The following MED13L variants were observed in gnomAD, a reference collection of about 807,000 sequenced individuals.
MED13L encodes mediator of RNA polymerase II transcription subunit 13-like.
MED13L carries 7 observed loss-of-function variants against 220.9 expected under a neutral mutation model. That is an observed-to-expected ratio of 0.03 (90% CI 0.02 to 0.06). The LOEUF (loss-of-function observed/expected upper bound fraction) is 0.06. Ranked by LOEUF, MED13L falls within the 10% of genes least tolerant of loss-of-function variation. The pLI is 1.00. For missense variants in MED13L, 1,965 were observed against 2,760.5 expected, an observed-to-expected ratio of 0.71 and a Z score of 6.46; for synonymous variants, 1,011 against 1,015.2, an observed-to-expected ratio of 1.00 and a Z score of 0.08.
chr12:116,170,699 C>G (rs1156817390), intron 2 of MED13L, among the ~76,000 whole-genome samples: 1 of 150,026 alleles, frequency 6.7e-6, no homozygotes, highest in East Asian at 2.0e-4. Context: ...GTCCCAGGTT[C>G]AGGTAATTCT....
intron 2 of MED13L, among the ~76,000 whole-genome samples, chr12:116,217,165 G>C (rs2138375874): frequency 1.3e-5 from 2 of 152,276 alleles, no homozygotes; most frequent in Middle Eastern, 6.8e-3. Flanking sequence ...AGGAAAGACA[G>C]GCAGCATGAC....
At chr12:115,970,390 A>AGGAAAAT (rs1876497732) in intron 27 of MED13L, among the ~76,000 whole-genome samples, 1 of 152,270 alleles carries the variant, frequency 6.6e-6, no homozygotes. Flanking sequence ...TGCCCAAACA[A>AGGAAAAT]GGAAAATATT....
At chr12:116,020,373 T>C (rs911569239) in intron 5 of MED13L, among the ~76,000 whole-genome samples, 3 of 152,206 alleles carry the variant, frequency 2.0e-5, no homozygotes, top group African/African-American at 4.8e-5. Flanking sequence ...TGTTTAATAA[T>C]AGCCTGTACA....
At chr12:116,082,270 G>A (rs1055581171) in intron 4 of MED13L, among the ~76,000 whole-genome samples, 15 of 152,126 alleles carry the variant, frequency 9.9e-5, no homozygotes, top group African/African-American at 3.6e-4. Context: ...GCCTAAGAAG[G>A]GGAAAAACTT....
chr12:116,164,919 C>T (rs567871300), intron 2 of MED13L, among the ~76,000 whole-genome samples: 1 of 152,314 alleles, frequency 6.6e-6, no homozygotes, highest in Admixed American at 6.5e-5. Context: ...TTCACTGCCA[C>T]AGCAATAACA....
chr12:116,160,175 AT>A (rs1878750917), intron 2 of MED13L, among the ~76,000 whole-genome samples: 1 of 152,366 alleles, frequency 6.6e-6, no homozygotes, highest in South Asian at 2.1e-4. Context: ...AAATTCCATT[AT>A]AATAAAACAG....
chr12:116,276,730 A>G (rs1164993690), intron 1 of MED13L: 1 of 1,105,648 alleles, frequency 9.0e-7, no homozygotes, highest in African/African-American at 1.7e-5. Flanking sequence ...AAAAGGGGGG[A>G]AAGGGGAGGA....
chr12:116,264,152 G>C (rs1593224803), intron 1 of MED13L, among the ~76,000 whole-genome samples: 1 of 152,184 alleles, frequency 6.6e-6, no homozygotes, highest in East Asian at 1.9e-4. Flanking sequence ...TGCAAAGAGA[G>C]AAGACACTGA....
At chr12:116,032,882 A>G (rs1880939001) in intron 4 of MED13L, among the ~76,000 whole-genome samples, 1 of 152,112 alleles carries the variant, frequency 6.6e-6, no homozygotes, top group African/African-American at 2.4e-5. Context: ...GAGTGACAGG[A>G]AGGAGGAGAG....
intron 4 of MED13L, among the ~76,000 whole-genome samples, chr12:116,070,337 T>A (rs1027355337): frequency 9.9e-5 from 15 of 152,204 alleles, no homozygotes; most frequent in African/African-American, 3.6e-4. Flanking sequence ...CATTTATCTC[T>A]CAAGGTTGTT....
chr12:116,072,368 T>C (rs574488091), intron 4 of MED13L, among the ~76,000 whole-genome samples: 1 of 152,362 alleles, frequency 6.6e-6, no homozygotes, highest in African/African-American at 2.4e-5. Context: ...GTGCCTGCTA[T>C]GTGCTGTGTA....
rs1157091674 is a variant in MED13L, at chr12:116,205,947, T to TG, written c.310+31520_310+31521insC. Among the ~76,000 whole-genome samples, 873 of 151,640 alleles carry TG rather than the reference T, an allele frequency of 5.8e-3. 10 individuals are homozygous for TG. The highest frequency in any genetic ancestry group is 6.9e-3 in the Non-Finnish European group (469 of 67,854). Reference sequence around the variant, plus strand: ...CACTGCATAACTAAAAACTTGTTTTTTTTTTTTTTTTGCTTCCTTTGTATA... The same window carrying TG: ...CACTGCATAACTAAAAACTTGTTTTTGTTTTTTTTTTTGCTTCCTTTGTATA... On this transcript the variant is annotated intron_variant, in intron 2 of 30. Transcript: ENST00000281928.
intron 2 of MED13L, among the ~76,000 whole-genome samples, chr12:116,164,900 G>A (rs1879136095): frequency 6.6e-6 from 1 of 152,198 alleles, no homozygotes; most frequent in Admixed American, 6.5e-5. Context: ...TTTTGTTCAT[G>A]TCAGAATTTT....
At chr12:116,080,356 ATACT>A (rs563963466) in intron 4 of MED13L, among the ~76,000 whole-genome samples, 103 of 152,316 alleles carry the variant, frequency 6.8e-4, no homozygotes, top group African/African-American at 2.4e-3. Flanking sequence ...GTTCCCCAAG[ATACT>A]TAAGAAATTT....
At chr12:116,247,106 TCAA>T (rs1254320102) in intron 1 of MED13L, among the ~76,000 whole-genome samples, 1 of 151,892 alleles carries the variant, frequency 6.6e-6, no homozygotes, top group Non-Finnish European at 1.5e-5. Context: ...ACCAAGATAA[TCAA>T]CAAAAGAGGG....
At chr12:116,008,132 A>ACAAACAG (rs1269659458) in intron 10 of MED13L, 1 of 473,670 alleles carries the variant, frequency 2.1e-6, no homozygotes, top group African/African-American at 2.0e-5. Context: ...TCTTTAATTA[A>ACAAACAG]CAAACAGTAG....
At position 116,019,813 on chromosome 12, in the gene MED13L, T is replaced by C. The variant is rs1417904088; in HGVS notation, c.785A>G (p.Asp262Gly). 4.3e-5 allele frequency: 70 copies of C among 1,613,942 alleles called. No individual in the cohort carries two copies. The highest frequency in any genetic ancestry group is 5.8e-5 in the Non-Finnish European group (69 of 1,179,958). The change falls in exon 6 of 31, where the codon GAT becomes GGT. Residue 262 changes from aspartate (D) to glycine (G), a missense_variant. Physicochemically the swap from Asp to Gly is moderately conservative, Grantham distance 94. This residue lies in a region of MED13L where 818 missense variants were observed against 1,041.2 expected (regional missense o/e 0.79). Coordinates refer to ENST00000281928, the MANE Select transcript of MED13L (RefSeq NM_015335.5). Reference sequence around the variant, plus strand: ...TTCAACTGCCACAGGGAAATCATCATCATATCCCAACTCGTCTTCCTCTTT... The same window carrying C: ...TTCAACTGCCACAGGGAAATCATCACCATATCCCAACTCGTCTTCCTCTTT... ...ESKEEDELGY[D>G]DDFPVAVEVI...
In MED13L at chr12:116,022,633, A is replaced by G. The variant is rs565046829; in HGVS notation, c.480-32T>C. ...AAGAGAGAATGAGAAACTCAACTTTATATTTTGGTAGGAAAGGGTGCTAGA... is the reference window on the plus strand; with the variant it reads ...AAGAGAGAATGAGAAACTCAACTTTGTATTTTGGTAGGAAAGGGTGCTAGA... On this transcript the variant is annotated intron_variant, in intron 4 of 30. Transcript: ENST00000281928. The G allele has an allele frequency of 7.5e-6, 12 of 1,600,072 alleles. No homozygotes were observed. In the South Asian group the frequency reaches 1.3e-4, roughly 18 times the overall value.
At chr12:116,190,607 C>A (rs1243934058) in intron 2 of MED13L, among the ~76,000 whole-genome samples, 2 of 152,152 alleles carry the variant, frequency 1.3e-5, no homozygotes, top group Non-Finnish European at 2.9e-5. Context: ...CAATCTCATA[C>A]TTTTTGTTAA....
Sources: gnomAD v4.1 joint callset for allele counts (sites outside exome capture counted in the v4.1 genomes callset) on GRCh38, gnomAD v4.1.1 for gene constraint, gnomAD v4.1.1 regional missense constraint, MANE v1.5 for transcripts, NCBI Gene and HGNC (gene_info 2026-07-23, HGNC 2026-07-21) for gene names.